Variants in CHRNB3 observed in about 807,000 individuals in gnomAD.
CHRNB3 encodes the protein cholinergic receptor nicotinic beta 3 subunit, also known as neuronal acetylcholine receptor subunit beta-3.
CHRNB3 carries 37 observed loss-of-function variants against 40.6 expected under a neutral mutation model. That is an observed-to-expected ratio of 0.91 (90% CI 0.70 to 1.20). The LOEUF is 1.20. CHRNB3 is among the 50% of genes most tolerant of loss of function. CHRNB3 has a pLI of 0.00. For synonymous variants in CHRNB3, 207 were observed against 207.1 expected (o/e 1.00, Z 0.00); for missense variants, 505 against 551.2 (o/e 0.92, Z 0.84).
chr8:42,726,260 A>G (rs1441528739), intron 3 of CHRNB3: 3 of 673,682 alleles, frequency 4.5e-6, no homozygotes, highest in Non-Finnish European at 7.8e-6. Flanking sequence ...ACTACTCAGT[A>G]ATTAAGGCAA....
At chr8:42,728,613 A>G (rs1816348468) in intron 3 of CHRNB3, among the ~76,000 whole-genome samples, 1 of 152,182 alleles carries the variant, frequency 6.6e-6, no homozygotes, top group Non-Finnish European at 1.5e-5. Flanking sequence ...TTGAAATGTT[A>G]TGTTGATTCC....
intron 3 of CHRNB3, among the ~76,000 whole-genome samples, chr8:42,718,303 G>A (rs1014851711): frequency 6.6e-5 from 10 of 152,120 alleles, no homozygotes; most frequent in African/African-American, 2.4e-4. Context: ...ATGTCCCAGA[G>A]ACTGCAAATC....
chr8:42,706,318 CTG>C (rs980764837), intron 1 of CHRNB3, among the ~76,000 whole-genome samples: 1 of 151,990 alleles, frequency 6.6e-6, no homozygotes, highest in Non-Finnish European at 1.5e-5. Flanking sequence ...GTCAGGGAGA[CTG>C]TGGAGGGACT....
At chr8:42,727,113 C>T (rs1816324374) in intron 3 of CHRNB3, among the ~76,000 whole-genome samples, 1 of 152,166 alleles carries the variant, frequency 6.6e-6, no homozygotes, top group African/African-American at 2.4e-5. Context: ...TGGCTCACAC[C>T]TGTAGTCCCA....
At chr8:42,723,410 A>G (rs952360031) in intron 3 of CHRNB3, among the ~76,000 whole-genome samples, 4 of 152,094 alleles carry the variant, frequency 2.6e-5, no homozygotes, top group Non-Finnish European at 4.4e-5. Context: ...ATTGTGCTTT[A>G]TATCTATCAG....
chr8:42,708,938 T>C, intron 2 of CHRNB3, 70 bp downstream of exon 2: 1 of 1,377,586 alleles, frequency 7.3e-7, no homozygotes, highest in Admixed American at 2.5e-5. Context: ...CTAAAATATA[T>C]ATTTTTCCCT....
Position 42,732,398 on chromosome 8 carries a change from G to A in CHRNB3, c.1091G>A (p.Ser364Asn), listed in dbSNP as rs762487387. 1 of 1,613,910 alleles carries A rather than the reference G, an allele frequency of 6.2e-7. No homozygotes were observed. The highest frequency in any genetic ancestry group is 1.3e-5 in the African/African-American group (1 of 74,854). The part of the protein sequence containing the change: ...DRYSSPEKEE[S>N]QPVVKGKVLE... ...TACTCATCCCCAGAGAAAGAGGAGAGTCAACCAGTAGTGAAAGGCAAAGTC... is the reference window on the plus strand; with the variant it reads ...TACTCATCCCCAGAGAAAGAGGAGAATCAACCAGTAGTGAAAGGCAAAGTC... The change falls in exon 5 of 6, where the codon AGT (serine) becomes AAT (asparagine). Residue 364 changes from serine (S) to asparagine (N), a missense_variant. Transcript: ENST00000289957.
At chr8:42,708,476 C>CACACACAT (rs1815956494) in intron 1 of CHRNB3, among the ~76,000 whole-genome samples, 1 of 148,420 alleles carries the variant, frequency 6.7e-6, no homozygotes, top group South Asian at 2.1e-4. Flanking sequence ...AAAAAAAATA[C>CACACACAT]ACACACACAC....
intron 2 of CHRNB3, among the ~76,000 whole-genome samples, chr8:42,709,982 T>C (rs1214465892): frequency 6.6e-6 from 1 of 152,222 alleles, no homozygotes; most frequent in Non-Finnish European, 1.5e-5. Flanking sequence ...TATGTAAATA[T>C]AGCCACAATG....
At chr8:42,703,674 C>T (rs944640552) in intron 1 of CHRNB3, among the ~76,000 whole-genome samples, 4 of 151,942 alleles carry the variant, frequency 2.6e-5, no homozygotes, top group Admixed American at 6.6e-5. Context: ...TTTACATCTT[C>T]GGGAGCAGTG....
intron 1 of CHRNB3, among the ~76,000 whole-genome samples, chr8:42,699,738 T>C (rs1815746452): frequency 6.6e-6 from 1 of 152,114 alleles, no homozygotes; most frequent in African/African-American, 2.4e-5. Context: ...GCACTCCAGC[T>C]TGGGCAACAA....
At chr8:42,713,985 C>G (rs1816059980) in intron 3 of CHRNB3, among the ~76,000 whole-genome samples, 1 of 152,188 alleles carries the variant, frequency 6.6e-6, no homozygotes, top group South Asian at 2.1e-4. Context: ...TTCCAGAAAA[C>G]TACAGAGGAT....
At chr8:42,703,632 C>CT (rs1400615663) in intron 1 of CHRNB3, among the ~76,000 whole-genome samples, 5 of 151,838 alleles carry the variant, frequency 3.3e-5, no homozygotes, top group Non-Finnish European at 7.4e-5. Context: ...ACAAAGACCA[C>CT]TTGTCCTGGA....
At chr8:42,708,956 C>A (rs1325294963) in intron 2 of CHRNB3, 88 bp downstream of exon 2, 2 of 1,287,894 alleles carry the variant, frequency 1.6e-6, no homozygotes, top group East Asian at 2.6e-5. Context: ...CCTATGTCTG[C>A]CATTTCAATT....
chr8:42,703,742 T>G (rs79468553), intron 1 of CHRNB3, among the ~76,000 whole-genome samples: 5,987 of 152,124 alleles, frequency 0.039, 199 homozygotes, highest in Admixed American at 0.086. Context: ...TATGGCCTTT[T>G]GTTCATGTGT....
At chr8:42,715,869 A>G (rs1270052017) in intron 3 of CHRNB3, among the ~76,000 whole-genome samples, 1 of 152,076 alleles carries the variant, frequency 6.6e-6, no homozygotes, top group Non-Finnish European at 1.5e-5. Flanking sequence ...ACTCACTGGA[A>G]CTATGTGAGA....
chr8:42,726,223 T>C (rs1464885234), intron 3 of CHRNB3: 17 of 825,246 alleles, frequency 2.1e-5, no homozygotes, highest in Non-Finnish European at 3.4e-5. Flanking sequence ...GCTCTTGCTC[T>C]GCCATCTTTC....
intron 3 of CHRNB3, among the ~76,000 whole-genome samples, chr8:42,712,860 T>TC (rs913142198): frequency 1.9e-4 from 5 of 26,878 alleles, no homozygotes; most frequent in Non-Finnish European, 7.6e-4. Flanking sequence ...CACTGCTCTC[T>TC]TTTTTTTTTT....
intron 5 of CHRNB3, among the ~76,000 whole-genome samples, chr8:42,734,864 CA>C (rs1194977199): frequency 6.6e-6 from 1 of 152,130 alleles, no homozygotes; most frequent in African/African-American, 2.4e-5. Context: ...TGCTGCTAGA[CA>C]AGAAACATTC....
Sources: allele counts gnomAD v4.1 joint callset (sites outside exome capture counted in the v4.1 genomes callset), GRCh38; gene constraint gnomAD v4.1.1; transcripts MANE v1.5; gene names NCBI Gene and HGNC (gene_info 2026-07-23, HGNC 2026-07-21).